TRIM9: variants seen among roughly 807,000 people sequenced by gnomAD.
TRIM9 encodes the protein tripartite motif containing 9.
TRIM9 carries 26 observed loss-of-function variants against 78.3 expected under a neutral mutation model. The ratio of observed to expected loss-of-function variants is 0.33; its 90% CI spans 0.24 to 0.46. The LOEUF is 0.46. Ranked by LOEUF, TRIM9 falls within the 20% of genes least tolerant of loss-of-function variation. The probability of loss-of-function intolerance (pLI) is 1.00; values close to 1 mark genes in which losing one functional copy is unlikely to be tolerated. For synonymous variants in TRIM9, 398 were observed against 416.5 expected (o/e 0.96, Z 0.54); for missense variants, 787 against 1,036.4 (o/e 0.76, Z 3.30).
chr14:51,013,704 C>T (rs1209531271), intron 3 of TRIM9, among the ~76,000 whole-genome samples: 1 of 152,018 alleles, frequency 6.6e-6, no homozygotes, highest in Non-Finnish European at 1.5e-5. Flanking sequence ...TTCTGACATC[C>T]AGTATGCCTG....
chr14:51,039,751 T>C (rs1219918217), intron 1 of TRIM9, among the ~76,000 whole-genome samples: 2 of 140,904 alleles, frequency 1.4e-5, no homozygotes. Context: ...TATTTTTAAA[T>C]AAACTTTTTT....
intron 1 of TRIM9, among the ~76,000 whole-genome samples, chr14:51,027,760 T>C (rs1028477534): frequency 1.3e-5 from 2 of 152,212 alleles, no homozygotes; most frequent in Admixed American, 6.5e-5. Context: ...ACGGTCTCAT[T>C]TGGAAGAGCA....
At chr14:51,045,403 C>T (rs1355278677) in intron 1 of TRIM9, among the ~76,000 whole-genome samples, 1 of 152,184 alleles carries the variant, frequency 6.6e-6, no homozygotes, top group African/African-American at 2.4e-5. Context: ...AGAACTTTCA[C>T]CTTTTAGAGC....
chr14:51,057,109 A>C (rs148374671), intron 1 of TRIM9, among the ~76,000 whole-genome samples: 655 of 152,314 alleles, frequency 4.3e-3, no homozygotes, highest in Non-Finnish European at 6.9e-3. Context: ...CTGCATGGCC[A>C]CAGATGCTGT....
rs2063856132 is a variant in TRIM9 at position 51,087,344 on chromosome 14, G to A, written c.822+6774C>T. 1.3e-5 allele frequency among the ~76,000 whole-genome samples: 2 copies of A among 152,136 alleles called. 1 individual carries two copies. The highest frequency in any genetic ancestry group is 4.1e-4 in the South Asian group (2 of 4,824). ...TAGGCCTGGATAGTTTAAAAAGAAG[G>A]CAAAACCAGGGCCAAACAAAAGTGA... On this transcript the variant is annotated intron_variant, in intron 1 of 12. Coordinates refer to ENST00000684578, the MANE Select transcript of TRIM9 (RefSeq NM_001387360.1).
intron 1 of TRIM9, among the ~76,000 whole-genome samples, chr14:51,028,285 A>G (rs1321488153): frequency 6.6e-6 from 1 of 152,244 alleles, no homozygotes; most frequent in African/African-American, 2.4e-5. Flanking sequence ...AGATCTAGAA[A>G]TCATTCTCTT....
chr14:51,000,594 T>C (rs1009626637), intron 6 of TRIM9, 89 bp downstream of exon 6: 13 of 1,548,672 alleles, frequency 8.4e-6, no homozygotes, highest in Non-Finnish European at 7.9e-6. Flanking sequence ...CCAGGAGAGA[T>C]GGGGAAGCCA....
Position 51,095,096 on chromosome 14 carries a change from C to T in TRIM9, c.-157G>A, listed in dbSNP as rs1213314198. On this transcript the variant is annotated 5_prime_UTR_variant, in exon 1 of 13. Coordinates refer to ENST00000684578, the MANE Select transcript of TRIM9 (RefSeq NM_001387360.1). The stretch of plus-strand genomic sequence containing the variant: ...ACTGGCACGGACACCCAGAGAGGCG[C>T]TAGCTCTGTGAGCCGCAGCCGCGTA... 4.0e-6 allele frequency: 2 copies of T among 504,842 alleles called. No homozygotes were observed. The highest frequency in any genetic ancestry group is 6.3e-6 in the Non-Finnish European group (2 of 317,894). 31.3% of individuals were successfully genotyped at this position (504,842 alleles called of 1,614,324 possible). A position where few individuals can be genotyped will look rare whatever the true frequency, so the allele number is the denominator to read the frequency against.
intron 1 of TRIM9, among the ~76,000 whole-genome samples, chr14:51,046,263 C>T (rs1422255065): frequency 1.3e-5 from 2 of 152,100 alleles, no homozygotes; most frequent in Non-Finnish European, 2.9e-5. Flanking sequence ...TAGTTATTAT[C>T]TTGACTGTGT....
At chr14:51,025,412 C>A (rs374585794) in intron 1 of TRIM9, 52 bp from the exon 2 acceptor site, 58 of 518,360 alleles carry the variant, frequency 1.1e-4, no homozygotes, top group Non-Finnish European at 1.5e-4. Flanking sequence ...GATACACCAA[C>A]AAGGCCAGCG....
intron 1 of TRIM9, among the ~76,000 whole-genome samples, chr14:51,058,543 T>C (rs2061074386): frequency 6.6e-6 from 1 of 152,126 alleles, no homozygotes; most frequent in African/African-American, 2.4e-5. Context: ...ACATGCATCC[T>C]CCAGGCCATA....
intron 3 of TRIM9, among the ~76,000 whole-genome samples, chr14:51,016,405 A>G (rs1355389594): frequency 2.0e-5 from 3 of 152,004 alleles, no homozygotes; most frequent in African/African-American, 4.8e-5. Flanking sequence ...CCCGCTCCTT[A>G]TGAGAATCTA....
intron 11 of TRIM9, among the ~76,000 whole-genome samples, chr14:50,980,806 G>A (rs910762537): frequency 6.6e-6 from 1 of 152,198 alleles, no homozygotes; most frequent in African/African-American, 2.4e-5. Flanking sequence ...AAGTGACAGC[G>A]AATAATACAC....
At position 50,975,351 on chromosome 14, in the gene TRIM9, A is replaced by T. The variant is rs1042025937; in HGVS notation, c.*1940T>A. 1.2e-4 allele frequency: 19 copies of T among 152,700 alleles called. No individual in the cohort carries two copies. Among genetic ancestry groups the T allele is most frequent in the African/African-American group, 4.6e-4 (19 of 41,474 alleles). The allele number at this position is 152,700 out of a possible 1,614,324, so 9.5% of individuals were successfully genotyped here. ...TTGTATGCATCTGTAATTGCAATTC[A>T]GTGTAAACTACATGTTACAAGTCAC... On this transcript the variant is annotated 3_prime_UTR_variant, in exon 13 of 13. Transcript: ENST00000684578.
At chr14:51,024,099 ATCAT>A (rs1406823945) in intron 2 of TRIM9, among the ~76,000 whole-genome samples, 13 of 152,364 alleles carry the variant, frequency 8.5e-5, no homozygotes, top group African/African-American at 3.1e-4. Flanking sequence ...TTTGGAAAAC[ATCAT>A]TTAAGAGCTC....
chr14:51,061,601 A>C (rs990337773), intron 1 of TRIM9, among the ~76,000 whole-genome samples: 1 of 152,156 alleles, frequency 6.6e-6, no homozygotes, highest in Admixed American at 6.5e-5. Context: ...TTCCAAACTG[A>C]AAATATATTC....
chr14:50,996,327 C>T (rs1395264450), intron 7 of TRIM9: 1 of 985,222 alleles, frequency 1.0e-6, no homozygotes, highest in African/African-American at 1.7e-5. Context: ...ATCGCAGTTC[C>T]AATCCTGTAA....
chr14:50,981,535 G>T (rs573306613), intron 11 of TRIM9, among the ~76,000 whole-genome samples: 2 of 152,304 alleles, frequency 1.3e-5, no homozygotes, highest in African/African-American at 4.8e-5. Flanking sequence ...TCTTATAATG[G>T]ATATCCATTG....
intron 1 of TRIM9, among the ~76,000 whole-genome samples, chr14:51,072,296 G>A (rs1336746313): frequency 6.6e-6 from 1 of 151,872 alleles, no homozygotes; most frequent in Non-Finnish European, 1.5e-5. Flanking sequence ...CTGAAGGAAA[G>A]GAAAGCAATT....
Sources: allele counts gnomAD v4.1 joint callset (sites outside exome capture counted in the v4.1 genomes callset), GRCh38; gene constraint gnomAD v4.1.1; transcripts MANE v1.5; gene names NCBI Gene and HGNC (gene_info 2026-07-23, HGNC 2026-07-21).